The following NELL1 variants were observed in gnomAD, a reference collection of about 807,000 sequenced individuals.
NELL1 encodes neural EGFL like 1, also known as protein kinase C-binding protein NELL1.
NELL1 carries 76 observed loss-of-function variants against 107.4 expected under a neutral mutation model. The observed-to-expected ratio is 0.71, with a 90% CI of 0.59 to 0.86. NELL1 has a LOEUF of 0.86. NELL1 is among the 40% of genes least tolerant of loss of function. The pLI, the probability that NELL1 is intolerant of heterozygous loss-of-function variation, is 0.00. For missense variants in NELL1, 1,024 were observed against 1,005.5 expected (o/e 1.02, Z -0.25); for synonymous variants, 353 against 341.2 (o/e 1.03, Z -0.38).
intron 14 of NELL1, among the ~76,000 whole-genome samples, chr11:21,317,350 C>T (rs1177979488): frequency 1.3e-4 from 3 of 23,680 alleles, no homozygotes; most frequent in African/African-American, 3.5e-4. Context: ...GCACATAAAG[C>T]TTCCTTGTTG....
At chr11:21,300,755 C>G (rs947652881) in intron 14 of NELL1, among the ~76,000 whole-genome samples, 2 of 151,910 alleles carry the variant, frequency 1.3e-5, no homozygotes, top group Admixed American at 6.6e-5. Flanking sequence ...CATATTATTT[C>G]TTTTTTTAAT....
intron 2 of NELL1, among the ~76,000 whole-genome samples, chr11:20,696,804 T>G (rs1854630358): frequency 6.6e-6 from 1 of 152,096 alleles, no homozygotes; most frequent in Non-Finnish European, 1.5e-5. Flanking sequence ...CCTCCTCAAC[T>G]CCAAACAACC....
At chr11:20,783,578 C>A in intron 2 of NELL1, 102 bp from the exon 3 acceptor site, 2 of 738,302 alleles carry the variant, frequency 2.7e-6, no homozygotes, top group South Asian at 5.3e-5. Context: ...TTTCCTCTTC[C>A]TTCTCATCTC....
chr11:20,812,062 T>G (rs1857512372), intron 3 of NELL1, among the ~76,000 whole-genome samples: 1 of 152,188 alleles, frequency 6.6e-6, no homozygotes, highest in Non-Finnish European at 1.5e-5. Context: ...TGTATGATAT[T>G]AGCTGTGAAT....
chr11:21,237,263 T>C (rs1858233546), intron 14 of NELL1, among the ~76,000 whole-genome samples: 1 of 152,090 alleles, frequency 6.6e-6, no homozygotes, highest in South Asian at 2.1e-4. Context: ...AGAAACAACA[T>C]ACATTTTCTG....
intron 12 of NELL1, among the ~76,000 whole-genome samples, chr11:21,002,230 A>G (rs1366854518): frequency 7.7e-6 from 1 of 130,190 alleles, no homozygotes; most frequent in Non-Finnish European, 1.6e-5. Flanking sequence ...GAGAATCTAC[A>G]TATCGAAGCC....
intron 12 of NELL1, among the ~76,000 whole-genome samples, chr11:21,043,437 G>A (rs1293511406): frequency 6.6e-6 from 1 of 152,134 alleles, no homozygotes; most frequent in African/African-American, 2.4e-5. Flanking sequence ...TTTGCTGAGA[G>A]AGAAAGGGAG....
At chr11:21,274,897 G>C (rs900000115) in intron 14 of NELL1, among the ~76,000 whole-genome samples, 1 of 152,170 alleles carries the variant, frequency 6.6e-6, no homozygotes, top group Admixed American at 6.5e-5. Flanking sequence ...CACATTCAAA[G>C]CAGTTTGGAG....
At chr11:20,670,736 C>T (rs1341268185) in intron 1 of NELL1, 1 of 152,298 alleles carries the variant, frequency 6.6e-6, no homozygotes, top group African/African-American at 2.4e-5. Context: ...GGCCTGTCAA[C>T]TGGGGGGAGT....
At chr11:21,176,115 C>A (rs747493186) in intron 13 of NELL1, among the ~76,000 whole-genome samples, 21 of 151,734 alleles carry the variant, frequency 1.4e-4, no homozygotes, top group Non-Finnish European at 2.9e-4. Flanking sequence ...CTTCTTCATG[C>A]GTTGCTGTGA....
At chr11:21,164,791 G>A (rs1383883162) in intron 13 of NELL1, among the ~76,000 whole-genome samples, 1 of 152,156 alleles carries the variant, frequency 6.6e-6, no homozygotes, top group Non-Finnish European at 1.5e-5. Flanking sequence ...TAAAGACTTT[G>A]ACTCTGTTTC....
intron 12 of NELL1, among the ~76,000 whole-genome samples, chr11:21,054,815 A>T (rs963208270): frequency 6.6e-6 from 1 of 152,026 alleles, no homozygotes; most frequent in South Asian, 2.1e-4. Flanking sequence ...GGCTTAAAAG[A>T]TGGTCAGTTA....
At chr11:21,033,710 A>G in intron 12 of NELL1, among the ~76,000 whole-genome samples, 1 of 152,112 alleles carries the variant, frequency 6.6e-6, no homozygotes, top group East Asian at 1.9e-4. Context: ...ATACACGTGC[A>G]TGTGTCTTTA....
At chr11:21,236,459 A>G (rs1858209469) in intron 14 of NELL1, among the ~76,000 whole-genome samples, 1 of 152,202 alleles carries the variant, frequency 6.6e-6, no homozygotes, top group Admixed American at 6.5e-5. Context: ...AAAATTGTGA[A>G]GCAAATTTTT....
chr11:20,990,116 T>TG (rs897865124), intron 12 of NELL1, among the ~76,000 whole-genome samples: 6 of 152,136 alleles, frequency 3.9e-5, no homozygotes, highest in Non-Finnish European at 5.9e-5. Flanking sequence ...GCTTGCAATA[T>TG]GGGGGGAGTA....
intron 14 of NELL1, among the ~76,000 whole-genome samples, chr11:21,293,528 C>A (rs1410457358): frequency 6.6e-6 from 1 of 152,118 alleles, no homozygotes; most frequent in Non-Finnish European, 1.5e-5. Flanking sequence ...TGTGGTGATT[C>A]CTCAAGGATC....
chr11:21,493,918 A>T (rs1446646900), intron 15 of NELL1, among the ~76,000 whole-genome samples: 1 of 151,984 alleles, frequency 6.6e-6, no homozygotes, highest in Non-Finnish European at 1.5e-5. Context: ...CGTGGTGTGG[A>T]TCTATCACAA....
intron 13 of NELL1, among the ~76,000 whole-genome samples, chr11:21,224,256 T>TTATTATTTATTATTTATTTTTTA (rs1857835031): frequency 6.6e-6 from 1 of 152,132 alleles, no homozygotes; most frequent in Admixed American, 6.5e-5. Flanking sequence ...TTATTATTAT[T>TTATTATTTATTATTTATTTTTTA]TTTTGAGGCA....
At chr11:21,268,767 G>T (rs909096687) in intron 14 of NELL1, among the ~76,000 whole-genome samples, 2 of 152,096 alleles carry the variant, frequency 1.3e-5, no homozygotes, top group Non-Finnish European at 1.5e-5. Context: ...AATGGCAAGG[G>T]ATACTAAAAG....
Sources: allele counts gnomAD v4.1 joint callset (sites outside exome capture counted in the v4.1 genomes callset), GRCh38; gene constraint gnomAD v4.1.1; transcripts MANE v1.5; gene names NCBI Gene and HGNC (gene_info 2026-07-23, HGNC 2026-07-21).